Variants in FRAS1 observed in about 807,000 individuals in gnomAD.
FRAS1 encodes extracellular matrix organizing protein FRAS1.
A neutral mutation model predicts 435.2 loss-of-function variants in FRAS1; 290 were observed. That is an observed-to-expected ratio of 0.67 (90% CI 0.61 to 0.73). The LOEUF is 0.73. Among genes scored for constraint, FRAS1 ranks in the 30% least tolerant of loss-of-function variants. FRAS1 has a pLI of 0.00. For synonymous variants in FRAS1, 1,800 were observed against 1,851.0 expected (o/e 0.97, Z 0.71); for missense variants, 4,860 against 5,001.5 (o/e 0.97, Z 0.85).
chr4:78,145,277 A>G (rs28750077), intron 2 of FRAS1, among the ~76,000 whole-genome samples: 24,850 of 152,156 alleles, frequency 0.16, 2,212 homozygotes, highest in Admixed American at 0.2. Flanking sequence ...CCACTCACAG[A>G]AGGGGCAGTG....
chr4:78,388,405 A>G (rs918943061), intron 29 of FRAS1, among the ~76,000 whole-genome samples: 5 of 152,116 alleles, frequency 3.3e-5, no homozygotes, highest in African/African-American at 9.7e-5. Context: ...GAATGACTCA[A>G]AAACGTTGAG....
intron 60 of FRAS1, among the ~76,000 whole-genome samples, chr4:78,498,879 G>T (rs1720592401): frequency 7.4e-6 from 1 of 134,844 alleles, no homozygotes; most frequent in Admixed American, 7.2e-5. Flanking sequence ...ATGGAGTTTT[G>T]CTTTGTCGCC....
chr4:78,379,544 C>A, intron 26 of FRAS1, 182 bp from the exon 27 acceptor site: 1 of 613,438 alleles, frequency 1.6e-6, no homozygotes, highest in Non-Finnish European at 2.7e-6. Flanking sequence ...TCTTTTGTAA[C>A]AATGTAATGC....
chr4:78,344,116 C>T (rs1730507657), intron 20 of FRAS1, among the ~76,000 whole-genome samples: 1 of 151,244 alleles, frequency 6.6e-6, no homozygotes, highest in Non-Finnish European at 1.5e-5. Context: ...TCCTTCCCCT[C>T]CAGGACCAGC....
intron 30 of FRAS1, among the ~76,000 whole-genome samples, chr4:78,403,339 T>C (rs1451631574): frequency 6.6e-6 from 1 of 152,206 alleles, no homozygotes; most frequent in Non-Finnish European, 1.5e-5. Flanking sequence ...TTTATTGTGA[T>C]GCTTTCCTGC....
intron 18 of FRAS1, among the ~76,000 whole-genome samples, chr4:78,322,865 C>A (rs1729563432): frequency 6.6e-6 from 1 of 152,162 alleles, no homozygotes; most frequent in Non-Finnish European, 1.5e-5. Flanking sequence ...AATATACTAG[C>A]AAACGAGTCA....
intron 9 of FRAS1, among the ~76,000 whole-genome samples, chr4:78,271,651 T>G (rs965948996): frequency 6.6e-6 from 1 of 152,208 alleles, no homozygotes; most frequent in African/African-American, 2.4e-5. Context: ...AGCTCATCAT[T>G]TTTTATGGCT....
intron 41 of FRAS1, among the ~76,000 whole-genome samples, chr4:78,444,773 C>G (rs1014423707): frequency 6.6e-6 from 1 of 152,168 alleles, no homozygotes; most frequent in African/African-American, 2.4e-5. Context: ...TCTGAGCCAG[C>G]ATTTTCTGTG....
Position 78,495,197 on chromosome 4 carries a change from A to T in FRAS1, c.8959-1608A>T, listed in dbSNP as rs574987291. Among the ~76,000 whole-genome samples, 96 of 152,072 alleles carry T rather than the reference A, an allele frequency of 6.3e-4. 1 individual carries two copies. Among genetic ancestry groups the T allele is most frequent in the Middle Eastern group, 6.8e-3 (2 of 294 alleles). On this transcript the variant is annotated intron_variant, in intron 59 of 73. Transcript: ENST00000512123. ...ACTCACTGATTTGCAATGCTTTCTTATATTTCCCAAATATTAATTCCTTGC... is the reference window on the plus strand; with the variant it reads ...ACTCACTGATTTGCAATGCTTTCTTTTATTTCCCAAATATTAATTCCTTGC...
chr4:78,441,024 G>A (rs1201378336), intron 40 of FRAS1, 138 bp from the exon 41 acceptor site: 6 of 720,226 alleles, frequency 8.3e-6, no homozygotes, highest in Admixed American at 5.3e-5. Flanking sequence ...TCCTCATCTC[G>A]TCTGTAGATG....
intron 2 of FRAS1, among the ~76,000 whole-genome samples, chr4:78,195,343 T>C (rs1722755891): frequency 6.6e-6 from 1 of 152,214 alleles, no homozygotes; most frequent in African/African-American, 2.4e-5. Flanking sequence ...CTGCTGCCTT[T>C]TGTTTGGCAT....
intron 2 of FRAS1, among the ~76,000 whole-genome samples, chr4:78,089,367 C>G (rs967653761): frequency 5.9e-5 from 9 of 151,792 alleles, no homozygotes; most frequent in East Asian, 1.9e-4. Flanking sequence ...CAACATAGCA[C>G]GTGTATACAT....
chr4:78,178,619 ACACT>A (rs1256148942), intron 2 of FRAS1, among the ~76,000 whole-genome samples: 2 of 152,222 alleles, frequency 1.3e-5, no homozygotes, highest in African/African-American at 4.8e-5. Flanking sequence ...TTGCAAAATG[ACACT>A]CACCAAGAAA....
At chr4:78,293,937 C>A (rs2110197791) in intron 14 of FRAS1, among the ~76,000 whole-genome samples, 1 of 152,294 alleles carries the variant, frequency 6.6e-6, no homozygotes, top group South Asian at 2.1e-4. Flanking sequence ...GAAAGCCTGC[C>A]ACAGATGCCA....
At chr4:78,274,124 G>T (rs1403594658) in intron 9 of FRAS1, among the ~76,000 whole-genome samples, 1 of 152,204 alleles carries the variant, frequency 6.6e-6, no homozygotes, top group Non-Finnish European at 1.5e-5. Context: ...AGTATTCTCT[G>T]ATGGTAGTTT....
At chr4:78,490,350 T>C (rs887320476) in intron 59 of FRAS1, among the ~76,000 whole-genome samples, 2 of 152,162 alleles carry the variant, frequency 1.3e-5, no homozygotes, top group Non-Finnish European at 2.9e-5. Context: ...CAACAGAATA[T>C]ACATTCTTCT....
At chr4:78,128,427 T>A (rs577759094) in intron 2 of FRAS1, among the ~76,000 whole-genome samples, 1 of 152,356 alleles carries the variant, frequency 6.6e-6, no homozygotes, top group African/African-American at 2.4e-5. Flanking sequence ...GTTTCCTGAC[T>A]TTTTAATGAT....
intron 18 of FRAS1, among the ~76,000 whole-genome samples, chr4:78,331,573 T>A (rs1729952491): frequency 6.6e-6 from 1 of 151,186 alleles, no homozygotes; most frequent in Non-Finnish European, 1.5e-5. Flanking sequence ...TTACATCTTA[T>A]TAGGGGTTGG....
chr4:78,369,814 C>A (rs764095552), intron 22 of FRAS1, 24 bp from the exon 23 acceptor site: 3 of 1,599,328 alleles, frequency 1.9e-6, no homozygotes, highest in Admixed American at 1.7e-5. Context: ...ATCATCTGGT[C>A]ATTTTCTTTT....
Sources: allele counts gnomAD v4.1 joint callset (sites outside exome capture counted in the v4.1 genomes callset), GRCh38; gene constraint gnomAD v4.1.1; transcripts MANE v1.5; gene names NCBI Gene and HGNC (gene_info 2026-07-23, HGNC 2026-07-21).